CABCOCO1: variants seen among roughly 807,000 people sequenced by gnomAD.
CABCOCO1 encodes ciliary-associated calcium-binding coiled-coil protein 1.
CABCOCO1 carries 28 observed loss-of-function variants against 35.7 expected under a neutral mutation model. That is an observed-to-expected ratio of 0.78 (90% CI 0.58 to 1.07). The LOEUF (loss-of-function observed/expected upper bound fraction) is 1.07. CABCOCO1 is among the 50% of genes least tolerant of loss of function. The probability of loss-of-function intolerance (pLI) is 0.00; values close to 1 mark genes in which losing one functional copy is unlikely to be tolerated. For synonymous variants in CABCOCO1, 95 were observed against 100.1 expected (o/e 0.95, Z 0.30); for missense variants, 326 against 309.2 (o/e 1.05, Z -0.41).
chr10:61,762,797 A>G (rs1004748061), intron 7 of CABCOCO1, among the ~76,000 whole-genome samples: 2 of 152,032 alleles, frequency 1.3e-5, no homozygotes, highest in Non-Finnish European at 2.9e-5. Flanking sequence ...TTATCCACAA[A>G]AACCACATAA....
At chr10:61,714,735 G>T (rs1840817767) in intron 5 of CABCOCO1, among the ~76,000 whole-genome samples, 1 of 151,742 alleles carries the variant, frequency 6.6e-6, no homozygotes, top group Non-Finnish European at 1.5e-5. Flanking sequence ...TGGTGTCAAA[G>T]AACATCTTTA....
intron 6 of CABCOCO1, among the ~76,000 whole-genome samples, chr10:61,760,393 C>T (rs570110721): frequency 2.0e-5 from 3 of 152,170 alleles, no homozygotes; most frequent in African/African-American, 7.2e-5. Context: ...CTAATCTCCA[C>T]CTTCACTTTC....
chr10:61,737,616 ATG>A (rs2132062543), intron 5 of CABCOCO1, among the ~76,000 whole-genome samples: 1 of 152,362 alleles, frequency 6.6e-6, no homozygotes, highest in East Asian at 1.9e-4. Flanking sequence ...ATGGAATATT[ATG>A]CAGCCATAAA....
At chr10:61,680,700 ATGTTATACATGTATAACATATATAT>A (rs1839753526) in intron 2 of CABCOCO1, among the ~76,000 whole-genome samples, 1 of 120,946 alleles carries the variant, frequency 8.3e-6, no homozygotes, top group Admixed American at 9.1e-5. Flanking sequence ...TAACATATAT[ATGTTATACATGTATAACATATATAT>A]TATATATATA....
chr10:61,703,619 T>C (rs542325403), intron 5 of CABCOCO1, among the ~76,000 whole-genome samples: 24 of 152,190 alleles, frequency 1.6e-4, no homozygotes, highest in Admixed American at 4.6e-4. Context: ...TAGACCACCA[T>C]TGATGTGAAC....
chr10:61,690,696 C>T, intron 5 of CABCOCO1, 75 bp downstream of exon 5: 2 of 895,624 alleles, frequency 2.2e-6, no homozygotes, highest in Admixed American at 4.5e-5. Flanking sequence ...GGATCTTTAA[C>T]TGCTTAAAGC....
At position 61,766,332 on chromosome 10, in the gene CABCOCO1, A is replaced by C. The variant is rs528149470; in HGVS notation, c.*319A>C. 8 of 170,290 alleles carry C rather than the reference A, an allele frequency of 4.7e-5. No individual in the cohort carries two copies. The East Asian group carries it at 1.1e-3, about 23-fold the overall frequency. The allele number at this position is 170,290 out of a possible 1,614,324, so 10.5% of individuals were successfully genotyped here. A position where few individuals can be genotyped will look rare whatever the true frequency, so the allele number is the denominator to read the frequency against. ...TGACTAATAAATCCTATTCATCTTC[A>C]AGGAGAATGAAGTCAACTTTTTAAA... On this transcript the variant is annotated 3_prime_UTR_variant, in exon 8 of 8. Transcript: ENST00000648843.
intron 7 of CABCOCO1, among the ~76,000 whole-genome samples, chr10:61,763,902 A>G (rs936603008): frequency 1.3e-5 from 2 of 152,042 alleles, no homozygotes; most frequent in Non-Finnish European, 2.9e-5. Flanking sequence ...CCTGTTATTG[A>G]CTAGACGTGG....
At chr10:61,664,523 C>G (rs1413805766) in intron 1 of CABCOCO1, among the ~76,000 whole-genome samples, 2 of 151,878 alleles carry the variant, frequency 1.3e-5, no homozygotes, top group African/African-American at 4.8e-5. Context: ...TATTATCTAC[C>G]CTCTTAGGAT....
chr10:61,717,417 TATA>T (rs1269183649), intron 5 of CABCOCO1, among the ~76,000 whole-genome samples: 2 of 152,042 alleles, frequency 1.3e-5, no homozygotes, highest in African/African-American at 4.8e-5. Context: ...TCATTTTTAA[TATA>T]ATATTAACAT....
intron 5 of CABCOCO1, among the ~76,000 whole-genome samples, chr10:61,734,554 A>G (rs1396878090): frequency 3.3e-5 from 5 of 152,092 alleles, no homozygotes; most frequent in African/African-American, 9.7e-5. Flanking sequence ...GAGAAAAACC[A>G]GGAAGTTTTA....
At chr10:61,700,776 G>T (rs774776759) in intron 5 of CABCOCO1, among the ~76,000 whole-genome samples, 1 of 151,996 alleles carries the variant, frequency 6.6e-6, no homozygotes, top group Non-Finnish European at 1.5e-5. Flanking sequence ...TTCTTATGGT[G>T]CCTCTATATA....
chr10:61,766,201 G>A lies in CABCOCO1; in HGVS notation c.*188G>A. On this transcript the variant is annotated 3_prime_UTR_variant, in exon 8 of 8. Transcript: ENST00000648843. Reference sequence around the variant, plus strand: ...TTTTGCTATCTCCCATCCCATAACAGCCTCTGAATTTATTGCACCAAGTGT... The same window carrying A: ...TTTTGCTATCTCCCATCCCATAACAACCTCTGAATTTATTGCACCAAGTGT... The A allele has an allele frequency of 2.1e-6, 1 of 477,598 alleles. No individual in the cohort carries two copies. Among genetic ancestry groups the A allele is most frequent in the South Asian group, 3.7e-5 (1 of 26,722 alleles). 29.6% of individuals were successfully genotyped at this position (477,598 alleles called of 1,614,324 possible).
At chr10:61,664,417 A>AT (rs1839102684) in intron 1 of CABCOCO1, among the ~76,000 whole-genome samples, 1 of 152,120 alleles carries the variant, frequency 6.6e-6, no homozygotes, top group African/African-American at 2.4e-5. Context: ...AAAATACAAA[A>AT]TTTTTTAAAA....
At position 61,705,103 on chromosome 10, in the gene CABCOCO1, A is replaced by C. The variant is rs561296551; in HGVS notation, c.552+14482A>C. ...CAATTGAGACTAAAGTTATGGAGAGAGGTGCTTCAGTGTTTGAAGCTAAGT... is the reference window on the plus strand; with the variant it reads ...CAATTGAGACTAAAGTTATGGAGAGCGGTGCTTCAGTGTTTGAAGCTAAGT... On this transcript the variant is annotated intron_variant, in intron 5 of 7. Coordinates refer to ENST00000648843, the MANE Select transcript of CABCOCO1 (RefSeq NM_001366906.2). 3.3e-5 allele frequency among the ~76,000 whole-genome samples: 5 copies of C among 152,296 alleles called. No individual in the cohort carries two copies. The South Asian group carries it at 1.0e-3, about 32-fold the overall frequency.
At chr10:61,680,334 T>G (rs1374976093) in intron 2 of CABCOCO1, among the ~76,000 whole-genome samples, 1 of 134,294 alleles carries the variant, frequency 7.4e-6, no homozygotes. Context: ...ATATATATAT[T>G]TATATACATA....
intron 3 of CABCOCO1, among the ~76,000 whole-genome samples, chr10:61,682,227 A>C (rs1212333595): frequency 6.6e-6 from 1 of 152,216 alleles, no homozygotes; most frequent in Non-Finnish European, 1.5e-5. Context: ...ATTATTGCAA[A>C]AATGAATTTC....
intron 1 of CABCOCO1, among the ~76,000 whole-genome samples, chr10:61,663,850 C>T (rs188407302): frequency 6.6e-6 from 1 of 152,118 alleles, no homozygotes; most frequent in East Asian, 1.9e-4. Flanking sequence ...AATCTTTGCA[C>T]ACGGAGTCTG....
intron 3 of CABCOCO1, chr10:61,684,931 T>C (rs1357602955): frequency 6.6e-6 from 1 of 152,130 alleles, no homozygotes; most frequent in Non-Finnish European, 1.5e-5. Context: ...ATTTTAAAAG[T>C]TAAGTCTAAG....
Sources: allele counts gnomAD v4.1 joint callset (sites outside exome capture counted in the v4.1 genomes callset), GRCh38; gene constraint gnomAD v4.1.1; transcripts MANE v1.5; gene names NCBI Gene and HGNC (gene_info 2026-07-23, HGNC 2026-07-21).